The following EIF4G3 variants were observed in gnomAD, a reference collection of about 807,000 sequenced individuals.
The protein encoded by EIF4G3 is eukaryotic translation initiation factor 4 gamma 3.
In EIF4G3, 34 loss-of-function variants were observed where a neutral mutation model predicts 186.4. The ratio of observed to expected loss-of-function variants is 0.18; its 90% CI spans 0.14 to 0.24. The LOEUF (loss-of-function observed/expected upper bound fraction) is 0.24, where lower values mean the gene tolerates loss of function less well. Among genes scored for constraint, EIF4G3 ranks in the 10% least tolerant of loss-of-function variants. The pLI, the probability that EIF4G3 is intolerant of heterozygous loss-of-function variation, is 1.00. For synonymous variants in EIF4G3, 673 were observed against 679.5 expected, an observed-to-expected ratio of 0.99 and a Z score of 0.15; for missense variants, 1,536 against 1,948.5, an observed-to-expected ratio of 0.79 and a Z score of 3.99.
intron 2 of EIF4G3, among the ~76,000 whole-genome samples, chr1:21,115,681 T>C (rs1271307020): frequency 6.6e-6 from 1 of 152,180 alleles, no homozygotes; most frequent in Non-Finnish European, 1.5e-5. Context: ...TGTATACAGT[T>C]AAATGAGACG....
chr1:21,069,919 AG>A (rs1472603408), intron 3 of EIF4G3, among the ~76,000 whole-genome samples: 3 of 152,220 alleles, frequency 2.0e-5, no homozygotes, highest in Admixed American at 2.0e-4. Context: ...AGGTGAGCAC[AG>A]GAAGAATAGA....
Position 21,019,611 on chromosome 1 carries a change from G to A in EIF4G3, c.-66-16803C>T, listed in dbSNP as rs75578006. Among the ~76,000 whole-genome samples, 930 of 152,330 alleles carry A rather than the reference G, an allele frequency of 6.1e-3. 2 individuals carry two copies. Among genetic ancestry groups the A allele is most frequent in the Non-Finnish European group, 8.8e-3 (599 of 68,026 alleles). On this transcript the variant is annotated intron_variant, in intron 4 of 36. Coordinates refer to ENST00000602326, the MANE Select transcript of EIF4G3 (RefSeq NM_001391906.1). ...AATACATATTTTCTCATCTCATAGA[G>A]CAAGAGAAGTTATTTAAAAACAACA... is the stretch of plus-strand genomic sequence containing the variant.
intron 27 of EIF4G3, among the ~76,000 whole-genome samples, chr1:20,852,641 AAAAGGGAAAAG>A (rs1435670911): frequency 6.6e-6 from 1 of 152,140 alleles, no homozygotes; most frequent in African/African-American, 2.4e-5. Flanking sequence ...GCAGCAAATT[AAAAGGGAAAAG>A]GAGAGACTCG....
At chr1:21,142,496 G>A (rs565792717) in intron 2 of EIF4G3, among the ~76,000 whole-genome samples, 1 of 152,182 alleles carries the variant, frequency 6.6e-6, no homozygotes, top group East Asian at 1.9e-4. Context: ...GACAGAGTGA[G>A]ACCCTAGCTC....
chr1:20,900,022 C>T, intron 15 of EIF4G3, 79 bp from the exon 16 acceptor site: 4 of 1,378,448 alleles, frequency 2.9e-6, no homozygotes, highest in Non-Finnish European at 3.9e-6. Flanking sequence ...CTACTCCCTT[C>T]AAAAAGCAAA....
chr1:21,051,916 A>G (rs984845583), intron 3 of EIF4G3, among the ~76,000 whole-genome samples: 1 of 151,864 alleles, frequency 6.6e-6, no homozygotes, highest in African/African-American at 2.4e-5. Flanking sequence ...ATATACATAC[A>G]CATGTGTAGG....
chr1:20,952,501 A>T (rs1297326326), intron 12 of EIF4G3, among the ~76,000 whole-genome samples: 1 of 152,150 alleles, frequency 6.6e-6, no homozygotes, highest in Non-Finnish European at 1.5e-5. Flanking sequence ...AATTTAGGAT[A>T]ATCTTGTCAA....
At chr1:21,105,096 A>G (rs566015276) in intron 2 of EIF4G3, among the ~76,000 whole-genome samples, 2 of 152,296 alleles carry the variant, frequency 1.3e-5, no homozygotes, top group South Asian at 2.1e-4. Flanking sequence ...AAAACTACCT[A>G]TCAAGTACTA....
intron 2 of EIF4G3, among the ~76,000 whole-genome samples, chr1:21,113,698 C>G (rs1490364970): frequency 2.0e-5 from 3 of 152,110 alleles, no homozygotes; most frequent in African/African-American, 4.8e-5. Flanking sequence ...TCTTCCTTGA[C>G]ACATTTCATT....
At chr1:20,885,300 G>A (rs1231375861) in intron 19 of EIF4G3, among the ~76,000 whole-genome samples, 10 of 152,184 alleles carry the variant, frequency 6.6e-5, no homozygotes. Context: ...CACGCTCCAG[G>A]AACCATGCCA....
intron 20 of EIF4G3, among the ~76,000 whole-genome samples, chr1:20,869,612 A>G (rs2078574145): frequency 6.6e-6 from 1 of 151,844 alleles, no homozygotes; most frequent in Admixed American, 6.6e-5. Flanking sequence ...AGTCTCTACT[A>G]AAAATACAAA....
intron 6 of EIF4G3, among the ~76,000 whole-genome samples, chr1:21,000,453 C>T (rs2083248711): frequency 1.3e-5 from 2 of 151,890 alleles, no homozygotes; most frequent in African/African-American, 4.8e-5. Flanking sequence ...AGGAAGAGGC[C>T]CTGCCTCAAT....
intron 2 of EIF4G3, among the ~76,000 whole-genome samples, chr1:21,120,153 A>C (rs554314851): frequency 6.7e-6 from 1 of 149,832 alleles, no homozygotes; most frequent in Non-Finnish European, 1.5e-5. Flanking sequence ...TAAAATATAC[A>C]TACTAGATAA....
intron 2 of EIF4G3, among the ~76,000 whole-genome samples, chr1:21,108,004 C>G (rs1160853845): frequency 6.6e-6 from 1 of 152,168 alleles, no homozygotes; most frequent in East Asian, 1.9e-4. Flanking sequence ...CAAAATTAGC[C>G]AGGCGCAGTG....
intron 20 of EIF4G3, among the ~76,000 whole-genome samples, chr1:20,877,386 C>A (rs2081178053): frequency 6.6e-6 from 1 of 152,186 alleles, no homozygotes; most frequent in Non-Finnish European, 1.5e-5. Flanking sequence ...ATGCCACTTA[C>A]TAGTTACATC....
chr1:21,128,110 G>A (rs1255240760), intron 2 of EIF4G3, among the ~76,000 whole-genome samples: 2 of 152,048 alleles, frequency 1.3e-5, no homozygotes, highest in South Asian at 2.1e-4. Context: ...GGGAGGCTGA[G>A]GCAGGAGAAT....
chr1:21,021,059 C>T (rs1274650305), intron 4 of EIF4G3, among the ~76,000 whole-genome samples: 3 of 152,178 alleles, frequency 2.0e-5, no homozygotes, highest in Non-Finnish European at 2.9e-5. Flanking sequence ...CCTTTGTTCA[C>T]GGCAACCTTC....
At chr1:21,079,203 A>G (rs191372979) in intron 3 of EIF4G3, among the ~76,000 whole-genome samples, 2 of 152,322 alleles carry the variant, frequency 1.3e-5, no homozygotes, top group East Asian at 3.9e-4. Context: ...AACCCAAGCT[A>G]AACTTTTGTC....
chr1:20,845,106 T>G (rs1397053575), intron 29 of EIF4G3, among the ~76,000 whole-genome samples: 1 of 152,216 alleles, frequency 6.6e-6, no homozygotes, highest in African/African-American at 2.4e-5. Context: ...AGTTTTACAT[T>G]TTAATCCATC....
Sources: allele counts gnomAD v4.1 joint callset (sites outside exome capture counted in the v4.1 genomes callset), GRCh38; gene constraint gnomAD v4.1.1; transcripts MANE v1.5; gene names NCBI Gene and HGNC (gene_info 2026-07-23, HGNC 2026-07-21).